The following LMF1 variants were observed in gnomAD, a reference collection of about 807,000 sequenced individuals.
LMF1 encodes the protein lipase maturation factor 1.
In LMF1, 68 loss-of-function variants were observed where a neutral mutation model predicts 60.6. That is an observed-to-expected ratio of 1.12 (90% CI 0.92 to 1.37). The LOEUF (loss-of-function observed/expected upper bound fraction) is 1.37. Among genes scored for constraint, LMF1 ranks in the 40% most tolerant of loss-of-function variants. The pLI is 0.00. For synonymous variants in LMF1, 418 were observed against 324.7 expected (o/e 1.29, Z -3.09); for missense variants, 948 against 767.2 (o/e 1.24, Z -2.78).
chr16:971,330 C>T (rs899949883), upstream of LMF1, among the ~76,000 whole-genome samples: 3 of 152,244 alleles, frequency 2.0e-5, no homozygotes, highest in Admixed American at 6.5e-5. Context: ...TGCCCTCCCC[C>T]AGCCAGGCGC....
chr16:970,795 G>C lies in LMF1; in HGVS notation c.186C>G (p.Phe62Leu). 6.5e-7 allele frequency: 1 copy of C among 1,533,200 alleles called. No individual in the cohort carries two copies. Among genetic ancestry groups the C allele is most frequent in the South Asian group, 1.2e-5 (1 of 81,972 alleles). 95.0% of individuals were successfully genotyped at this position (1,533,200 alleles called of 1,614,324 possible). A position where few individuals can be genotyped will look rare whatever the true frequency, so the allele number is the denominator to read the frequency against. Residue 62 changes from phenylalanine to leucine, a missense_variant, in exon 1 of 11, where the codon TTC (phenylalanine) becomes TTG (leucine). Physicochemically the swap from Phe to Leu is conservative, Grantham distance 22. Coordinates refer to ENST00000262301, the MANE Select transcript of LMF1 (RefSeq NM_022773.4). ...TRIVLLKALA[F>L]VYFVAFLVAF... The stretch of plus-strand genomic sequence containing the variant: ...GGCCCGCCCGGCACTCACAGTACAC[G>C]AAGGCTAGGGCCTTCAGGAGCACGA...
chr16:876,738 G>A (rs1024977389), intron 6 of LMF1, among the ~76,000 whole-genome samples: 1 of 152,064 alleles, frequency 6.6e-6, no homozygotes, highest in Non-Finnish European at 1.5e-5. Flanking sequence ...GCGGGCTGAG[G>A]ACCTCGGGGG....
chr16:953,071 C>A (rs1324941369), intron 2 of LMF1, among the ~76,000 whole-genome samples: 1 of 77,544 alleles, frequency 1.3e-5, no homozygotes, highest in African/African-American at 6.9e-5. Context: ...ACACAGACAC[C>A]CACTCCAAAC....
chr16:893,092 G>A lies in LMF1; in HGVS notation c.664-20C>T, dbSNP rs368321246. 1 of 1,550,676 alleles carries A rather than the reference G, an allele frequency of 6.4e-7. No individual in the cohort carries two copies. Among genetic ancestry groups the A allele is most frequent in the African/African-American group, 1.4e-5 (1 of 73,218 alleles). ...CAGGCCCTGCAAGGAAGAGAGCAGA[G>A]GGAGAGTCAGTCACAGGGGCTGGGG... On this transcript the variant is annotated intron_variant, in intron 4 of 10. Transcript: ENST00000262301.
At chr16:895,027 G>A (rs62013782) in intron 4 of LMF1, among the ~76,000 whole-genome samples, 8,968 of 152,244 alleles carry the variant, frequency 0.059, 342 homozygotes, top group Admixed American at 0.086. Flanking sequence ...AGGCAGAAGC[G>A]TGGGGTACAG....
chr16:909,607 C>T (rs568501796), intron 4 of LMF1, among the ~76,000 whole-genome samples: 34 of 152,336 alleles, frequency 2.2e-4, no homozygotes, highest in Admixed American at 1.1e-3. Flanking sequence ...CCATGCTACA[C>T]GCTACACCGA....
intron 3 of LMF1, among the ~76,000 whole-genome samples, chr16:926,668 G>A (rs752827283): frequency 1.6e-4 from 24 of 152,212 alleles, no homozygotes; most frequent in Non-Finnish European, 3.2e-4. Flanking sequence ...AGCTGCGCAC[G>A]CACATGTGTG....
chr16:971,546 G>A (rs916784695), upstream of LMF1, among the ~76,000 whole-genome samples: 6 of 152,216 alleles, frequency 3.9e-5, 1 homozygote, highest in East Asian at 1.9e-4. Context: ...GCACCCTTCC[G>A]CCTTTGCACA....
intron 3 of LMF1, among the ~76,000 whole-genome samples, chr16:931,352 C>T (rs554241536): frequency 1.2e-4 from 18 of 152,388 alleles, no homozygotes; most frequent in Middle Eastern, 3.4e-3. Flanking sequence ...CCTGAGGATG[C>T]TGCTTTGCGG....
chr16:932,689 A>C (rs1454597193), intron 3 of LMF1, among the ~76,000 whole-genome samples: 1 of 152,184 alleles, frequency 6.6e-6, no homozygotes, highest in Admixed American at 6.5e-5. Context: ...CAAACTGCTA[A>C]GATTATAGGC....
At chr16:948,423 C>T (rs1455943430) in intron 2 of LMF1, among the ~76,000 whole-genome samples, 1 of 150,600 alleles carries the variant, frequency 6.6e-6, no homozygotes, top group Admixed American at 6.6e-5. Flanking sequence ...AAGCCAACGA[C>T]AGAGTCAGCC....
chr16:936,754 T>C (rs2071959014), intron 2 of LMF1, among the ~76,000 whole-genome samples: 1 of 152,200 alleles, frequency 6.6e-6, no homozygotes. Context: ...TAACCTTAGT[T>C]GAACGGAGAA....
At chr16:886,948 C>G (rs970198230) in intron 5 of LMF1, 1 of 150,442 alleles carries the variant, frequency 6.6e-6, no homozygotes, top group Admixed American at 6.7e-5. Flanking sequence ...ACATTCTCTT[C>G]TTACAAAAAC....
At chr16:976,581 A>G (rs536156401) in intron 1 of LMF1, 13 of 454,090 alleles carry the variant, frequency 2.9e-5, no homozygotes, top group South Asian at 1.9e-4. Context: ...TTGGGGCTGC[A>G]GAAGGACCCT....
intron 2 of LMF1, among the ~76,000 whole-genome samples, chr16:940,834 T>C (rs1473153849): frequency 1.3e-5 from 2 of 152,206 alleles, no homozygotes; most frequent in African/African-American, 4.8e-5. Flanking sequence ...CGTTCTGATC[T>C]TCTATGTCTT....
At chr16:942,169 T>C (rs2072116503) in intron 2 of LMF1, among the ~76,000 whole-genome samples, 1 of 152,262 alleles carries the variant, frequency 6.6e-6, no homozygotes, top group Non-Finnish European at 1.5e-5. Flanking sequence ...TGAAGGATAT[T>C]GTCACTGGAT....
chr16:893,379 G>C, intron 4 of LMF1: 1 of 508,932 alleles, frequency 2.0e-6, no homozygotes, highest in South Asian at 1.5e-5. Flanking sequence ...CAGAAGTTGC[G>C]TGTCTTTAAA....
intron 2 of LMF1, among the ~76,000 whole-genome samples, chr16:949,699 G>A (rs2072385413): frequency 9.4e-6 from 1 of 106,696 alleles, no homozygotes; most frequent in East Asian, 2.7e-4. Context: ...CAGAGACAAC[G>A]ACAGAGTCAG....
Position 854,180 on chromosome 16 carries a change from G to T in LMF1, c.*352C>A, listed in dbSNP as rs1466273873. 7.9e-6 allele frequency: 4 copies of T among 509,512 alleles called. No individual in the cohort carries two copies. Among genetic ancestry groups the T allele is most frequent in the Non-Finnish European group, 1.5e-5 (4 of 263,694 alleles). The allele number at this position is 509,512 out of a possible 1,614,324, so 31.6% of individuals were successfully genotyped here. On this transcript the variant is annotated 3_prime_UTR_variant, in exon 11 of 11. Transcript: ENST00000262301. ...CAAGAGCTACCTGGCTGGGTCTATG[G>T]TCAGGGCTGTAGTGGAGGAAGGTGT...
Sources: allele counts gnomAD v4.1 joint callset (sites outside exome capture counted in the v4.1 genomes callset), GRCh38; gene constraint gnomAD v4.1.1; transcripts MANE v1.5; gene names NCBI Gene and HGNC (gene_info 2026-07-23, HGNC 2026-07-21).